The following IGF2BP2 variants were observed in gnomAD, a reference collection of about 807,000 sequenced individuals.
IGF2BP2 encodes insulin like growth factor 2 mRNA binding protein 2.
A neutral mutation model predicts 75.8 loss-of-function variants in IGF2BP2; 17 were observed. That is an observed-to-expected ratio of 0.22 (90% CI 0.15 to 0.34). The LOEUF is 0.34. Among genes scored for constraint, IGF2BP2 ranks in the 10% least tolerant of loss-of-function variants. The probability of loss-of-function intolerance (pLI) is 1.00; values close to 1 mark genes in which losing one functional copy is unlikely to be tolerated. For missense variants in IGF2BP2, 516 were observed against 772.4 expected (o/e 0.67, Z 3.93); for synonymous variants, 288 against 295.6 (o/e 0.97, Z 0.26).
intron 2 of IGF2BP2, among the ~76,000 whole-genome samples, chr3:185,735,629 C>G (rs148395345): frequency 1.3e-5 from 2 of 152,164 alleles, no homozygotes; most frequent in Non-Finnish European, 2.9e-5. Context: ...AGAGTTCCTC[C>G]GGGAGGAGAT....
intron 2 of IGF2BP2, among the ~76,000 whole-genome samples, chr3:185,792,950 C>G (rs182285468): frequency 2.0e-4 from 30 of 152,164 alleles, no homozygotes; most frequent in African/African-American, 7.0e-4. Flanking sequence ...CTATCTCAGC[C>G]AGAATATTCT....
intron 2 of IGF2BP2, among the ~76,000 whole-genome samples, chr3:185,819,014 T>C (rs1465276117): frequency 2.0e-5 from 3 of 152,196 alleles, no homozygotes; most frequent in Non-Finnish European, 2.9e-5. Context: ...TAAATGCTTT[T>C]TCTCTTAAAG....
chr3:185,818,233 C>G (rs1334304713), intron 2 of IGF2BP2, among the ~76,000 whole-genome samples: 1 of 152,028 alleles, frequency 6.6e-6, no homozygotes, highest in African/African-American at 2.4e-5. Flanking sequence ...AAAAAAATGG[C>G]TTATAACATC....
At chr3:185,784,969 G>C (rs1337201179) in intron 2 of IGF2BP2, among the ~76,000 whole-genome samples, 1 of 152,118 alleles carries the variant, frequency 6.6e-6, no homozygotes, top group Admixed American at 6.5e-5. Context: ...AATTTTTTCA[G>C]GGAAAATAAT....
At chr3:185,718,831 C>T (rs1208223878) in intron 2 of IGF2BP2, among the ~76,000 whole-genome samples, 4 of 151,994 alleles carry the variant, frequency 2.6e-5, no homozygotes, top group African/African-American at 9.7e-5. Flanking sequence ...GAACACAGCG[C>T]AGAAGTGACA....
chr3:185,689,587 A>T lies in IGF2BP2; in HGVS notation c.445T>A (p.Ser149Thr). 6.2e-7 allele frequency: 1 copy of T among 1,614,186 alleles called. No individual in the cohort carries two copies. Among genetic ancestry groups the T allele is most frequent in the Non-Finnish European group, 8.5e-7 (1 of 1,180,016 alleles). Residue 149 changes from serine to threonine, a missense_variant, in exon 6 of 16, where the codon TCC (serine) becomes ACC (threonine). Coordinates refer to ENST00000382199, the MANE Select transcript of IGF2BP2 (RefSeq NM_006548.6). Reference protein sequence around the residue: ...KLSGHQFENYSFKISYIPDEE... With the variant: ...KLSGHQFENYTFKISYIPDEE... Reference sequence around the variant, plus strand: ...TCCGGGATGTAGGAAATCTTGAAGGAGTAGTTCTCAAACTGATGCCCGCTT... The same window carrying T: ...TCCGGGATGTAGGAAATCTTGAAGGTGTAGTTCTCAAACTGATGCCCGCTT...
chr3:185,712,941 G>A (rs1237117067), intron 2 of IGF2BP2, among the ~76,000 whole-genome samples: 6 of 152,122 alleles, frequency 3.9e-5, no homozygotes, highest in African/African-American at 7.2e-5. Flanking sequence ...GAAGCTTTAC[G>A]CTTACACTTT....
At position 185,672,598 on chromosome 3, in the gene IGF2BP2, T is replaced by C. The variant is rs750732490; in HGVS notation, c.1143A>G (p.Leu381=). 6.8e-6 allele frequency: 11 copies of C among 1,613,574 alleles called. No homozygotes were observed. Among genetic ancestry groups the C allele is most frequent in the South Asian group, 5.5e-5 (5 of 91,058 alleles). ...LGIFSTGLSV[L]SPPAGPRGAP... is the part of the protein sequence containing the mutation. ...CTCCGCGGGGCCCTGCTGGTGGAGA[T>C]AGCACGGACAGTCCTGTTGAAAAGA... Residue 381 remains leucine, a synonymous_variant, in exon 10 of 16, where the codon CTA becomes CTG. Transcript: ENST00000382199.
intron 10 of IGF2BP2, among the ~76,000 whole-genome samples, chr3:185,670,294 G>T (rs1177453734): frequency 1.3e-5 from 2 of 152,016 alleles, no homozygotes; most frequent in East Asian, 3.8e-4. Flanking sequence ...GCTATTAAAA[G>T]AAAAATTCTC....
chr3:185,744,273 A>C lies in IGF2BP2; in HGVS notation c.240-45926T>G, dbSNP rs1388198464. ...TGTTAGTATTCCAGTGATAAAAAGT[A>C]ATGCTGCTTTTATGTGATTGATCTG... On this transcript the variant is annotated intron_variant, in intron 2 of 15. Coordinates refer to ENST00000382199, the MANE Select transcript of IGF2BP2 (RefSeq NM_006548.6). Among the ~76,000 whole-genome samples, 5 of 152,242 alleles carry C rather than the reference A, an allele frequency of 3.3e-5. No homozygotes were observed. The East Asian group carries it at 9.6e-4, about 29-fold the overall frequency.
chr3:185,647,189 G>C lies in IGF2BP2; in HGVS notation c.1594-51C>G, dbSNP rs369156049. The C allele has an allele frequency of 2.3e-6, 3 of 1,330,696 alleles. No individual in the cohort carries two copies. The highest frequency in any genetic ancestry group is 3.3e-6 in the Non-Finnish European group (3 of 921,924). 82.4% of individuals were successfully genotyped at this position (1,330,696 alleles called of 1,614,324 possible). A position where few individuals can be genotyped will look rare whatever the true frequency, so the allele number is the denominator to read the frequency against. On this transcript the variant is annotated intron_variant, in intron 14 of 15. Transcript: ENST00000382199. This position sits in a 1 kb window ranked among gnomAD's most constrained non-coding sequence, Gnocchi z 4.9. Reference sequence around the variant, plus strand: ...TTGGATAGGTTCCCTCCCCGTCAACGTGGTGGGCTCAGGACGGAGTGAGGG... The same window carrying C: ...TTGGATAGGTTCCCTCCCCGTCAACCTGGTGGGCTCAGGACGGAGTGAGGG...
intron 5 of IGF2BP2, among the ~76,000 whole-genome samples, chr3:185,689,962 CG>C (rs1721719492): frequency 1.3e-5 from 1 of 74,970 alleles, no homozygotes; most frequent in Non-Finnish European, 2.8e-5. Context: ...AGCGAGACTC[CG>C]TCTCAAAAAA....
At chr3:185,704,493 A>G in intron 2 of IGF2BP2, among the ~76,000 whole-genome samples, 1 of 152,126 alleles carries the variant, frequency 6.6e-6, no homozygotes, top group Non-Finnish European at 1.5e-5. Flanking sequence ...TCTGTCACCC[A>G]TGCTGCAGTG....
intron 2 of IGF2BP2, among the ~76,000 whole-genome samples, chr3:185,732,092 C>T (rs1728271993): frequency 6.6e-6 from 1 of 152,188 alleles, no homozygotes; most frequent in Non-Finnish European, 1.5e-5. Context: ...GAAACTCCAA[C>T]CCTCCTTCAA....
chr3:185,780,307 G>A (rs527378137), intron 2 of IGF2BP2, among the ~76,000 whole-genome samples: 7 of 152,292 alleles, frequency 4.6e-5, no homozygotes, highest in Non-Finnish European at 1.0e-4. Context: ...AGAGGATTAT[G>A]ATGTTCTATT....
intron 2 of IGF2BP2, among the ~76,000 whole-genome samples, chr3:185,754,127 T>C (rs1731300062): frequency 6.6e-6 from 1 of 152,060 alleles, no homozygotes; most frequent in Admixed American, 6.6e-5. Flanking sequence ...GAGAATTGCT[T>C]GAGCCCAGGA....
chr3:185,788,347 T>C (rs888819220), intron 2 of IGF2BP2, among the ~76,000 whole-genome samples: 3 of 151,938 alleles, frequency 2.0e-5, no homozygotes, highest in Admixed American at 6.6e-5. Flanking sequence ...TAGGGAGACT[T>C]TGTCTCTATA....
intron 10 of IGF2BP2, among the ~76,000 whole-genome samples, chr3:185,662,269 G>C (rs1190705529): frequency 2.0e-5 from 3 of 152,002 alleles, no homozygotes; most frequent in Admixed American, 6.6e-5. Flanking sequence ...CTTGAGGTCA[G>C]GAGTTCAAGA....
At chr3:185,686,397 A>C (rs923370523) in intron 7 of IGF2BP2, among the ~76,000 whole-genome samples, 2 of 151,718 alleles carry the variant, frequency 1.3e-5, no homozygotes, top group African/African-American at 4.8e-5. Flanking sequence ...AAAAAAAAAA[A>C]GGAGAGGGGG....
Sources: gnomAD v4.1 joint callset for allele counts (sites outside exome capture counted in the v4.1 genomes callset) on GRCh38, gnomAD v4.1.1 for gene constraint, Gnocchi (gnomAD v3.1) non-coding constraint, MANE v1.5 for transcripts, NCBI Gene and HGNC (gene_info 2026-07-23, HGNC 2026-07-21) for gene names.